Variants in HDAC7 observed in about 807,000 individuals in gnomAD.
HDAC7 encodes histone deacetylase 7, also known as histone deacetylase 7A.
HDAC7 carries 26 observed loss-of-function variants against 115.5 expected under a neutral mutation model. The observed-to-expected ratio is 0.23, with a 90% CI of 0.16 to 0.31. The LOEUF is 0.31. Among genes scored for constraint, HDAC7 ranks in the 10% least tolerant of loss-of-function variants. HDAC7 has a pLI of 1.00. For missense variants in HDAC7, 1,068 were observed against 1,329.0 expected (o/e 0.80, Z 3.05); for synonymous variants, 564 against 550.9 (o/e 1.02, Z -0.33).
chr12:47,818,201 CAG>C (rs1944903572), intron 1 of HDAC7, among the ~76,000 whole-genome samples: 2 of 152,264 alleles, frequency 1.3e-5, no homozygotes, highest in South Asian at 4.2e-4. Flanking sequence ...ATAAGGGACA[CAG>C]AGGCCTCTGG....
In HDAC7 at chr12:47,797,639, T is replaced by G. The variant is rs1943929502; in HGVS notation, c.462-140A>C. ...GTGGGGCTGGTAGGAATGGGGACCATCTCCAGGTGGCAGCAGTGGGCCGCC... is the reference window on the plus strand; with the variant it reads ...GTGGGGCTGGTAGGAATGGGGACCAGCTCCAGGTGGCAGCAGTGGGCCGCC... On this transcript the variant is annotated intron_variant, in intron 5 of 25. Coordinates refer to ENST00000080059, the MANE Select transcript of HDAC7 (RefSeq NM_015401.5). This position sits in a 1 kb window ranked among gnomAD's most constrained non-coding sequence, Gnocchi z 5.5. 4.7e-6 allele frequency: 3 copies of G among 632,160 alleles called. No individual in the cohort carries two copies. The South Asian group carries it at 5.8e-5, about 12-fold the overall frequency. 39.2% of individuals were successfully genotyped at this position (632,160 alleles called of 1,614,324 possible). A position where few individuals can be genotyped will look rare whatever the true frequency, so the allele number is the denominator to read the frequency against.
chr12:47,820,143 GCGC>G (rs1944983142), upstream of HDAC7, among the ~76,000 whole-genome samples: 1 of 151,140 alleles, frequency 6.6e-6, no homozygotes, highest in Non-Finnish European at 1.5e-5. The surrounding 1 kb of genome is among the most constrained non-coding windows in gnomAD (Gnocchi z 4.3). Flanking sequence ...CGGGGAGGCA[GCGC>G]CGAACCCGGA....
chr12:47,806,760 T>C (rs1448132454), intron 1 of HDAC7, among the ~76,000 whole-genome samples: 1 of 152,166 alleles, frequency 6.6e-6, no homozygotes, highest in Non-Finnish European at 1.5e-5. Context: ...CAATGCTGTC[T>C]GTGATGCACC....
intron 2 of HDAC7, among the ~76,000 whole-genome samples, chr12:47,800,691 C>T (rs1488073584): frequency 6.6e-6 from 1 of 152,224 alleles, no homozygotes; most frequent in Non-Finnish European, 1.5e-5. Flanking sequence ...GGTGACTCCC[C>T]TGATTATGCA....
rs74338394 is a variant in HDAC7 at position 47,806,273 on chromosome 12, C to T, written c.20-3999G>A. On this transcript the variant is annotated intron_variant, in intron 1 of 25. Transcript: ENST00000080059. ...TAAAGCACACAGGACATTGGCTTTG[C>T]GGTCAGATGGGCCTGGGTTTAAGCC... 8.3e-3 allele frequency among the ~76,000 whole-genome samples: 1,270 copies of T among 152,352 alleles called. 15 individuals are homozygous for T. The highest frequency in any genetic ancestry group is 0.021 in the East Asian group (110 of 5,186).
Position 47,815,572 on chromosome 12 carries a change from C to G in HDAC7, c.19+4195G>C, listed in dbSNP as rs560833260. Among the ~76,000 whole-genome samples the G allele has an allele frequency of 3.3e-5, 5 of 152,326 alleles. No homozygotes were observed. The South Asian group carries it at 1.0e-3, about 32-fold the overall frequency. ...TAAAATCTGGATTCCCAGGCCCCAC[C>G]CCTCAGATTCTGACTAGTCAATCTG... On this transcript the variant is annotated intron_variant, in intron 1 of 25. Transcript: ENST00000080059.
chr12:47,783,944 G>T, intron 25 of HDAC7, 58 bp from the exon 26 acceptor site: 1 of 1,608,830 alleles, frequency 6.2e-7, no homozygotes. Context: ...AAGGGCCTTA[G>T]CTAAGCTTCC....
In HDAC7 at chr12:47,791,717, G is replaced by C; in HGVS notation, c.1813-11C>G. The stretch of plus-strand genomic sequence containing the variant: ...CCGGCCTCGGAGACACTGAAAAGGG[G>C]ACCACAGAGCTCTGAGCTCATGCTC... On this transcript the variant is annotated splice_polypyrimidine_tract_variant and intron_variant, in intron 14 of 25. Transcript: ENST00000080059. The C allele has an allele frequency of 6.2e-7, 1 of 1,613,336 alleles. No homozygotes were observed. The highest frequency in any genetic ancestry group is 8.5e-7 in the Non-Finnish European group (1 of 1,179,804).
At chr12:47,814,118 A>T (rs566879832) in intron 1 of HDAC7, among the ~76,000 whole-genome samples, 1 of 152,240 alleles carries the variant, frequency 6.6e-6, no homozygotes, top group African/African-American at 2.4e-5. Context: ...CTGGTCTCAG[A>T]GTCTCCCCCA....
At chr12:47,789,385 C>A in intron 18 of HDAC7, 37 bp from the exon 19 acceptor site, 1 of 1,593,210 alleles carries the variant, frequency 6.3e-7, no homozygotes, top group South Asian at 1.1e-5. Context: ...CCCATTCTCT[C>A]CACATGCCCT....
In HDAC7 at chr12:47,798,833, G is replaced by A. The variant is rs1338225038; in HGVS notation, c.210C>T (p.His70=). The change falls in exon 3 of 26, where the codon CAC becomes CAT. Residue 70 remains histidine (H), a synonymous_variant. Transcript: ENST00000080059. This position sits in a 1 kb window ranked among gnomAD's most constrained non-coding sequence, Gnocchi z 4.3. ...GCTGCTGCAGGCCTGCTAGGAAGAG[G>A]TGGTGGTGCAGGCGCTGGGGACGCT... The part of the protein sequence containing the change: ...ALQRPQRLHH[H]LFLAGLQQQR... 1 of 1,560,336 alleles carries A rather than the reference G, an allele frequency of 6.4e-7. No individual in the cohort carries two copies. The highest frequency in any genetic ancestry group is 1.2e-5 in the South Asian group (1 of 84,754).
rs760925269 is a variant in HDAC7, at chr12:47,797,566, G to A, written c.462-67C>T. On this transcript the variant is annotated intron_variant, in intron 5 of 25. Transcript: ENST00000080059. This position sits in a 1 kb window ranked among gnomAD's most constrained non-coding sequence, Gnocchi z 5.5. ...ACTGCACGGGCACTGCCCTGAGCACGGGCCCTGGGACCTGAGGGGGAGGCT... is the reference window on the plus strand; with the variant it reads ...ACTGCACGGGCACTGCCCTGAGCACAGGCCCTGGGACCTGAGGGGGAGGCT... 92 of 1,225,348 alleles carry A rather than the reference G, an allele frequency of 7.5e-5. No homozygotes were observed. Among genetic ancestry groups the A allele is most frequent in the East Asian group, 6.6e-4 (28 of 42,414 alleles). 75.9% of individuals were successfully genotyped at this position (1,225,348 alleles called of 1,614,324 possible). A position where few individuals can be genotyped will look rare whatever the true frequency, so the allele number is the denominator to read the frequency against.
Position 47,797,130 on chromosome 12 carries a change from T to C in HDAC7, c.590A>G (p.Asn197Ser), listed in dbSNP as rs748420084. 20 of 1,599,594 alleles carry C rather than the reference T, an allele frequency of 1.3e-5. No homozygotes were observed. Among genetic ancestry groups the C allele is most frequent in the Non-Finnish European group, 1.7e-5 (20 of 1,173,262 alleles). Residue 197 changes from asparagine (N) to serine (S), a missense_variant, in exon 7 of 26, where the codon AAC becomes AGC. By Grantham distance (46) the Asn-to-Ser change is conservative (BLOSUM62 1). Coordinates refer to ENST00000080059, the MANE Select transcript of HDAC7 (RefSeq NM_015401.5). This position sits in a 1 kb window ranked among gnomAD's most constrained non-coding sequence, Gnocchi z 5.5. ...CTTGGGCTTATAGCGCAGCTTCAGG[T>C]TGGGCTCAGAGACTGCAGGGAGCAC... ...FPLRKTVSEP[N>S]LKLRYKPKKS...
At chr12:47,790,091 A>C (rs1943398694) in intron 16 of HDAC7, 171 bp from the exon 17 acceptor site, 6 of 596,666 alleles carry the variant, frequency 1.0e-5, no homozygotes, top group East Asian at 5.6e-5. Flanking sequence ...GTGTCCCCCA[A>C]TCCCAGCATG....
Position 47,795,876 on chromosome 12 carries a change from G to T in HDAC7, c.906+30C>A. On this transcript the variant is annotated intron_variant, in intron 9 of 25. Coordinates refer to ENST00000080059, the MANE Select transcript of HDAC7 (RefSeq NM_015401.5). The surrounding 1 kb of genome is among the most constrained non-coding windows in gnomAD (Gnocchi z 4.3). Reference sequence around the variant, plus strand: ...GGAGTGAAAGAAGCTGGGGGGGCTTGGAGTGGGGGTGGGCACCCCAGCCAC... The same window carrying T: ...GGAGTGAAAGAAGCTGGGGGGGCTTTGAGTGGGGGTGGGCACCCCAGCCAC... 6.6e-7 allele frequency: 1 copy of T among 1,525,788 alleles called. No homozygotes were observed. The highest frequency in any genetic ancestry group is 1.2e-5 in the South Asian group (1 of 83,614). The allele number at this position is 1,525,788 out of a possible 1,614,324, so 94.5% of individuals were successfully genotyped here.
intron 1 of HDAC7, among the ~76,000 whole-genome samples, chr12:47,808,410 G>A (rs888654589): frequency 2.0e-5 from 3 of 152,100 alleles, no homozygotes; most frequent in African/African-American, 2.4e-5. Flanking sequence ...CTCCCTGGGG[G>A]TGGGAAAGCA....
rs751272491 is a variant in HDAC7, at chr12:47,785,744, C to T, written c.2706+8G>A. 9.4e-6 allele frequency: 15 copies of T among 1,600,706 alleles called. No individual in the cohort carries two copies. Among genetic ancestry groups the T allele is most frequent in the Middle Eastern group, 1.7e-4 (1 of 6,050 alleles). On this transcript the variant is annotated splice_region_variant and intron_variant, in intron 23 of 25. Transcript: ENST00000080059. ...CAGAAGCATGGATGGGGGAGGGAGA[C>T]GGCTCACCCTGTTACCCAGAAGAGC...
intron 16 of HDAC7, chr12:47,790,207 T>G: frequency 4.9e-6 from 2 of 406,492 alleles, no homozygotes; most frequent in Non-Finnish European, 9.3e-6. Context: ...TGGCGTTACC[T>G]GGGCGGGACT....
At chr12:47,802,395 G>C (rs766887597) in intron 1 of HDAC7, 121 bp from the exon 2 acceptor site, 21 of 1,534,332 alleles carry the variant, frequency 1.4e-5, no homozygotes, top group Non-Finnish European at 1.8e-5. Flanking sequence ...GCCAAAGCCT[G>C]GGACCTCCAC....
Sources: gnomAD v4.1 joint callset for allele counts (sites outside exome capture counted in the v4.1 genomes callset) on GRCh38, gnomAD v4.1.1 for gene constraint, Gnocchi (gnomAD v3.1) non-coding constraint, MANE v1.5 for transcripts, NCBI Gene and HGNC (gene_info 2026-07-23, HGNC 2026-07-21) for gene names.